The following DTNB variants were observed in gnomAD, a reference collection of about 807,000 sequenced individuals.
DTNB encodes dystrobrevin beta.
Under a neutral mutation model 90.7 loss-of-function variants are expected in DTNB, and 63 were observed. The ratio of observed to expected loss-of-function variants is 0.69; its 90% CI spans 0.57 to 0.86. The LOEUF (loss-of-function observed/expected upper bound fraction) is 0.86. Ranked by LOEUF, DTNB falls within the 40% of genes least tolerant of loss-of-function variation. The pLI, the probability that DTNB is intolerant of heterozygous loss-of-function variation, is 0.00. For synonymous variants in DTNB, 277 were observed against 286.7 expected (o/e 0.97, Z 0.34); for missense variants, 744 against 807.1 (o/e 0.92, Z 0.95).
At chr2:25,564,818 G>A (rs1263686276) in intron 8 of DTNB, among the ~76,000 whole-genome samples, 1 of 152,060 alleles carries the variant, frequency 6.6e-6, no homozygotes, top group African/African-American at 2.4e-5. Flanking sequence ...TTTTCAGATT[G>A]TTCATTGTCA....
chr2:25,510,111 A>G (rs1185236134), intron 9 of DTNB, among the ~76,000 whole-genome samples: 1 of 152,036 alleles, frequency 6.6e-6, no homozygotes, highest in Admixed American at 6.5e-5. Context: ...TCCATTCATT[A>G]TCTTTTGGCC....
chr2:25,402,632 G>T (rs2044036508), intron 16 of DTNB, among the ~76,000 whole-genome samples: 1 of 152,240 alleles, frequency 6.6e-6, no homozygotes, highest in Admixed American at 6.5e-5. Flanking sequence ...CTGCCATGGG[G>T]TCTCTCTGCA....
chr2:25,409,124 A>G (rs2045993725), intron 16 of DTNB, among the ~76,000 whole-genome samples: 1 of 152,140 alleles, frequency 6.6e-6, no homozygotes, highest in Admixed American at 6.5e-5. Context: ...GCATGAATAA[A>G]CCCTGGGGAA....
intron 1 of DTNB, among the ~76,000 whole-genome samples, chr2:25,671,221 C>G (rs1303494713): frequency 2.6e-5 from 4 of 152,228 alleles, no homozygotes; most frequent in Non-Finnish European, 4.4e-5. Flanking sequence ...TTGGAATTAA[C>G]TGTGGCTTCA....
intron 9 of DTNB, among the ~76,000 whole-genome samples, chr2:25,517,285 G>A (rs2075302213): frequency 6.6e-6 from 1 of 152,190 alleles, no homozygotes; most frequent in Admixed American, 6.5e-5. Context: ...GCTGGAAGTG[G>A]GAGCTGGGAT....
At chr2:25,438,848 C>A (rs1415100835) in intron 12 of DTNB, among the ~76,000 whole-genome samples, 2 of 152,224 alleles carry the variant, frequency 1.3e-5, no homozygotes, top group African/African-American at 4.8e-5. Flanking sequence ...ATAGTAGGTA[C>A]CTCTTGATAC....
At chr2:25,378,193 G>C (rs2149477743) in intron 20 of DTNB, among the ~76,000 whole-genome samples, 1 of 152,330 alleles carries the variant, frequency 6.6e-6, no homozygotes, top group Non-Finnish European at 1.5e-5. Flanking sequence ...GTCAGTTCCT[G>C]ATTTCCCTCC....
intron 8 of DTNB, among the ~76,000 whole-genome samples, chr2:25,569,115 G>T (rs1479987208): frequency 6.6e-6 from 1 of 152,154 alleles, no homozygotes; most frequent in Non-Finnish European, 1.5e-5. Context: ...ACACAGGAGG[G>T]AAGAACCCTC....
chr2:25,465,524 CTG>C (rs1382260807), intron 10 of DTNB, among the ~76,000 whole-genome samples: 1 of 152,214 alleles, frequency 6.6e-6, no homozygotes, highest in Non-Finnish European at 1.5e-5. Context: ...CCCATCTCCC[CTG>C]TGTGATCTGG....
intron 11 of DTNB, among the ~76,000 whole-genome samples, chr2:25,454,050 T>C (rs2059648470): frequency 6.6e-6 from 1 of 151,298 alleles, no homozygotes; most frequent in African/African-American, 2.4e-5. Flanking sequence ...CTCGGGAGGT[T>C]GAGGCAGGAG....
intron 10 of DTNB, among the ~76,000 whole-genome samples, chr2:25,458,766 T>C (rs1558614874): frequency 6.6e-6 from 1 of 152,216 alleles, no homozygotes; most frequent in Non-Finnish European, 1.5e-5. Flanking sequence ...TGCCTCAGCC[T>C]CCTGATTAAC....
intron 8 of DTNB, among the ~76,000 whole-genome samples, chr2:25,570,406 C>CAAAAAAAAAAAAAA (rs146251976): frequency 8.5e-4 from 76 of 89,826 alleles, no homozygotes; most frequent in East Asian, 1.4e-3. Context: ...TTTCCTGTCT[C>CAAAAAAAAAAAAAA]AAAAAAAAAA....
intron 16 of DTNB, among the ~76,000 whole-genome samples, chr2:25,393,323 A>G (rs188489517): frequency 6.6e-6 from 1 of 152,236 alleles, no homozygotes; most frequent in Non-Finnish European, 1.5e-5. Context: ...AACTGGAACA[A>G]GACAAGGATG....
At chr2:25,645,451 A>AT (rs200230410) in intron 2 of DTNB, among the ~76,000 whole-genome samples, 95 of 150,412 alleles carry the variant, frequency 6.3e-4, no homozygotes, top group East Asian at 5.8e-3. Flanking sequence ...TAAAAAAGAG[A>AT]TTTTTTTTTT....
intron 8 of DTNB, among the ~76,000 whole-genome samples, chr2:25,533,972 T>TTTA (rs1558916761): frequency 3.1e-4 from 46 of 148,568 alleles, no homozygotes; most frequent in African/African-American, 1.0e-3. Flanking sequence ...TTATTTATTT[T>TTTA]TTGGAAATGC....
intron 16 of DTNB, among the ~76,000 whole-genome samples, chr2:25,417,407 C>T (rs1034410387): frequency 4.6e-5 from 7 of 152,216 alleles, no homozygotes; most frequent in African/African-American, 1.7e-4. Context: ...ACTAATATCA[C>T]AGCAGTGGCA....
intron 10 of DTNB, among the ~76,000 whole-genome samples, chr2:25,465,876 T>C (rs1468922370): frequency 6.6e-6 from 1 of 152,236 alleles, no homozygotes; most frequent in Non-Finnish European, 1.5e-5. Flanking sequence ...AATATTTTTC[T>C]GTCTTCTTTG....
At chr2:25,542,476 T>C (rs2081485941) in intron 8 of DTNB, among the ~76,000 whole-genome samples, 1 of 152,200 alleles carries the variant, frequency 6.6e-6, no homozygotes, top group African/African-American at 2.4e-5. Flanking sequence ...GGCTTGTAAT[T>C]TTCCTTTTCT....
chr2:25,597,795 C>T (rs10185746), intron 5 of DTNB, among the ~76,000 whole-genome samples: 5 of 152,114 alleles, frequency 3.3e-5, no homozygotes, highest in Admixed American at 6.5e-5. Context: ...GTGTTTAGAA[C>T]CATAACAGAG....
Sources: allele counts gnomAD v4.1 joint callset (sites outside exome capture counted in the v4.1 genomes callset), GRCh38; gene constraint gnomAD v4.1.1; transcripts MANE v1.5; gene names NCBI Gene and HGNC (gene_info 2026-07-23, HGNC 2026-07-21).